Variants in CLYBL observed in about 807,000 individuals in gnomAD.
The protein encoded by CLYBL is citramalyl-CoA lyase, also known as citramalyl-CoA lyase, mitochondrial.
A neutral mutation model predicts 38.9 loss-of-function variants in CLYBL; 31 were observed. The observed-to-expected ratio is 0.80, with a 90% CI of 0.60 to 1.08. CLYBL has a LOEUF of 1.08. Ranked by LOEUF, CLYBL falls within the 50% of genes least tolerant of loss-of-function variation. CLYBL has a pLI of 0.00. For synonymous variants in CLYBL, 171 were observed against 158.6 expected (o/e 1.08, Z -0.59); for missense variants, 434 against 411.6 (o/e 1.05, Z -0.47).
intron 1 of CLYBL, among the ~76,000 whole-genome samples, chr13:99,630,199 G>T (rs556355806): frequency 6.6e-6 from 1 of 152,298 alleles, no homozygotes; most frequent in East Asian, 1.9e-4. Context: ...AGCATTTCTT[G>T]TTTAACTGTC....
intron 2 of CLYBL, among the ~76,000 whole-genome samples, chr13:99,812,719 G>A (rs2050366507): frequency 6.6e-6 from 1 of 152,180 alleles, no homozygotes; most frequent in African/African-American, 2.4e-5. Context: ...GACCCTGACT[G>A]GAGATGGAAG....
At chr13:99,859,937 C>T (rs1341792975) in intron 3 of CLYBL, among the ~76,000 whole-genome samples, 3 of 152,076 alleles carry the variant, frequency 2.0e-5, no homozygotes, top group African/African-American at 4.8e-5. Context: ...GTGGTGGTTT[C>T]ATGGAAGCCA....
At chr13:99,691,659 T>G (rs998221157) in intron 1 of CLYBL, among the ~76,000 whole-genome samples, 1 of 152,164 alleles carries the variant, frequency 6.6e-6, no homozygotes, top group African/African-American at 2.4e-5. Flanking sequence ...GTAATCACTG[T>G]ACGTGATAAG....
chr13:99,734,701 G>A (rs140484502), intron 1 of CLYBL, among the ~76,000 whole-genome samples: 230 of 152,238 alleles, frequency 1.5e-3, no homozygotes, highest in African/African-American at 5.1e-3. Context: ...TAACGCAGGG[G>A]CCATGAACCA....
At chr13:99,781,480 T>G (rs1020069050) in intron 2 of CLYBL, among the ~76,000 whole-genome samples, 5 of 152,012 alleles carry the variant, frequency 3.3e-5, no homozygotes, top group African/African-American at 1.2e-4. Context: ...AAATTTTTTA[T>G]TTTTTGAGAC....
intron 1 of CLYBL, among the ~76,000 whole-genome samples, chr13:99,741,060 T>G (rs2048746514): frequency 6.6e-6 from 1 of 152,252 alleles, no homozygotes; most frequent in African/African-American, 2.4e-5. Flanking sequence ...TATCAATGAA[T>G]TCATTTTTCT....
At chr13:99,710,460 T>G (rs1406117167) in intron 1 of CLYBL, among the ~76,000 whole-genome samples, 1 of 152,150 alleles carries the variant, frequency 6.6e-6, no homozygotes, top group East Asian at 1.9e-4. Flanking sequence ...GCACAGCATT[T>G]TTTTCAGTGG....
At chr13:99,609,761 A>G (rs1312834910) in intron 1 of CLYBL, among the ~76,000 whole-genome samples, 1 of 152,016 alleles carries the variant, frequency 6.6e-6, no homozygotes. Context: ...CTGGTCTCGA[A>G]CTTGGCTCAA....
chr13:99,873,229 T>A (rs1362911388), intron 7 of CLYBL, among the ~76,000 whole-genome samples: 1 of 152,230 alleles, frequency 6.6e-6, no homozygotes, highest in African/African-American at 2.4e-5. Flanking sequence ...GCCTATAAAC[T>A]GGCCGGTCAC....
chr13:99,759,491 C>T (rs973218954), intron 1 of CLYBL, among the ~76,000 whole-genome samples: 2 of 152,108 alleles, frequency 1.3e-5, no homozygotes, highest in African/African-American at 4.8e-5. Context: ...GGAGAGGTGG[C>T]TTTGGTGAGG....
At chr13:99,822,365 G>A (rs2050604964) in intron 2 of CLYBL, among the ~76,000 whole-genome samples, 1 of 152,162 alleles carries the variant, frequency 6.6e-6, no homozygotes, top group Admixed American at 6.5e-5. Flanking sequence ...CTTAAAACTG[G>A]GACAGGATCA....
intron 1 of CLYBL, among the ~76,000 whole-genome samples, chr13:99,717,491 G>T (rs61974414): frequency 0.022 from 3,294 of 149,832 alleles, 59 homozygotes; most frequent in Middle Eastern, 0.11. Flanking sequence ...GCAGGGTCTC[G>T]GTCTGTTGCC....
chr13:99,879,335 A>G (rs182481311), intron 7 of CLYBL, among the ~76,000 whole-genome samples: 12 of 152,216 alleles, frequency 7.9e-5, no homozygotes, highest in Non-Finnish European at 1.8e-4. Context: ...CATCCACTCA[A>G]TTTCCACATT....
In CLYBL at chr13:99,776,260, C is replaced by T. The variant is rs916681964; in HGVS notation, c.249+3250C>T. 4.6e-5 allele frequency among the ~76,000 whole-genome samples: 7 copies of T among 151,326 alleles called. 1 individual carries two copies. The highest frequency in any genetic ancestry group is 2.6e-4 in the Admixed American group (4 of 15,200). On this transcript the variant is annotated intron_variant, in intron 2 of 8. Transcript: ENST00000339105. ...CAGTATTCCCAGCACTCTGGGAGGC[C>T]GAGGCAGGCGGATCACTTGAGGCCA... is the stretch of plus-strand genomic sequence containing the variant.
intron 1 of CLYBL, among the ~76,000 whole-genome samples, chr13:99,611,664 G>C (rs1029807043): frequency 6.6e-6 from 1 of 152,146 alleles, no homozygotes; most frequent in Non-Finnish European, 1.5e-5. Flanking sequence ...GAGAGTTCCC[G>C]CTTCTATTTC....
chr13:99,708,651 G>A (rs2048181531), intron 1 of CLYBL, among the ~76,000 whole-genome samples: 1 of 152,132 alleles, frequency 6.6e-6, no homozygotes, highest in East Asian at 1.9e-4. Context: ...ATAGTACTTG[G>A]CACACAGTAA....
intron 1 of CLYBL, among the ~76,000 whole-genome samples, chr13:99,761,639 T>C (rs1325483118): frequency 6.6e-6 from 1 of 152,244 alleles, no homozygotes; most frequent in Non-Finnish European, 1.5e-5. Flanking sequence ...GGAGTGAACA[T>C]ACTCATTTTG....
intron 1 of CLYBL, among the ~76,000 whole-genome samples, chr13:99,684,290 G>T (rs1385732116): frequency 6.9e-6 from 1 of 145,486 alleles, no homozygotes; most frequent in Non-Finnish European, 1.5e-5. Context: ...AGCAATTCTC[G>T]TGCCTCAGCC....
chr13:99,767,050 G>T (rs137903557), intron 1 of CLYBL, among the ~76,000 whole-genome samples: 24 of 152,318 alleles, frequency 1.6e-4, no homozygotes, highest in Non-Finnish European at 2.9e-4. Context: ...GGCAGAGCAG[G>T]CCTCCTGCCA....
Sources: allele counts gnomAD v4.1 joint callset (sites outside exome capture counted in the v4.1 genomes callset), GRCh38; gene constraint gnomAD v4.1.1; transcripts MANE v1.5; gene names NCBI Gene and HGNC (gene_info 2026-07-23, HGNC 2026-07-21).